NBAS: variants seen among roughly 807,000 people sequenced by gnomAD.
NBAS encodes the protein NBAS subunit of NRZ tethering complex.
In NBAS, 219 loss-of-function variants were observed where a neutral mutation model predicts 302.5. That is an observed-to-expected ratio of 0.72 (90% CI 0.65 to 0.81). The LOEUF (loss-of-function observed/expected upper bound fraction) is 0.81. Ranked by LOEUF, NBAS falls within the 30% of genes least tolerant of loss-of-function variation. The pLI, the probability that NBAS is intolerant of heterozygous loss-of-function variation, is 0.00. For missense variants in NBAS, 2,932 were observed against 2,841.6 expected, an observed-to-expected ratio of 1.03 and a Z score of -0.72; for synonymous variants, 1,118 against 1,021.6, an observed-to-expected ratio of 1.09 and a Z score of -1.80.
the NBAS span, among the ~76,000 whole-genome samples, chr2:14,847,300 A>G: frequency 6.7e-6 from 1 of 148,966 alleles, no homozygotes; most frequent in Admixed American, 6.8e-5. Context: ...GGAGAATGGC[A>G]TGAACCCAGG....
intron 50 of NBAS, among the ~76,000 whole-genome samples, chr2:15,183,830 T>C (rs1008852975): frequency 2.6e-5 from 4 of 152,210 alleles, no homozygotes; most frequent in African/African-American, 9.6e-5. Flanking sequence ...CTAACCGATG[T>C]GTGCTTTAGG....
chr2:15,426,690 T>C (rs561373666), intron 22 of NBAS, among the ~76,000 whole-genome samples: 1 of 152,360 alleles, frequency 6.6e-6, no homozygotes, highest in East Asian at 1.9e-4. Flanking sequence ...TTAATGATAA[T>C]TTTTAAAGTT....
intron 44 of NBAS, among the ~76,000 whole-genome samples, chr2:15,259,071 T>A (rs1047135213): frequency 1.3e-5 from 2 of 152,146 alleles, no homozygotes; most frequent in African/African-American, 4.8e-5. Flanking sequence ...TGGGGGTGGG[T>A]TCCCCCGATA....
In NBAS at chr2:15,504,213, C is replaced by T. The variant is rs757043102; in HGVS notation, c.886G>A (p.Val296Ile). ...CTTAATAATCCCAGTGTCTTCGGTA[C>T]CTGCAAAATAAATGCATCATATGAA... is the stretch of plus-strand genomic sequence containing the variant. Reference protein sequence around the residue: ...VTNGGDGVTAVPKTLGLLRML... With the variant: ...VTNGGDGVTAIPKTLGLLRML... Residue 296 changes from valine (V) to isoleucine (I), a missense_variant and splice_region_variant, in exon 11 of 52, where the codon GTA (valine) becomes ATA (isoleucine). Val to Ile is a conservative substitution (Grantham distance 29). Transcript: ENST00000281513. 3.1e-6 allele frequency: 5 copies of T among 1,608,958 alleles called. No individual in the cohort carries two copies. In the African/African-American group the frequency reaches 6.7e-5, roughly 22 times the overall value.
At chr2:15,081,630 T>C in the NBAS span, among the ~76,000 whole-genome samples, 18 of 152,170 alleles carry the variant, frequency 1.2e-4, no homozygotes, top group African/African-American at 4.3e-4. Flanking sequence ...CAGACTTTTT[T>C]CACTAGAAAG....
At chr2:15,287,594 T>C (rs1262295212) in intron 41 of NBAS, among the ~76,000 whole-genome samples, 1 of 152,046 alleles carries the variant, frequency 6.6e-6, no homozygotes, top group Non-Finnish European at 1.5e-5. Context: ...CAGCCCTGCG[T>C]GGGCATCTCC....
At chr2:14,920,965 C>T in the NBAS span, among the ~76,000 whole-genome samples, 1 of 151,570 alleles carries the variant, frequency 6.6e-6, no homozygotes, top group South Asian at 2.1e-4. Flanking sequence ...CCCTCAGGAA[C>T]TTTTCCTTTG....
chr2:15,561,334 T>G lies in NBAS; in HGVS notation c.-30A>C, dbSNP rs1029195232. On this transcript the variant is annotated 5_prime_UTR_variant, in exon 1 of 52. Transcript: ENST00000281513. ...GCCGAGGACTCAGGCAGCGGAGGAG[T>G]GTCTCTACGGAATCCCTCACAGGAC... 3.8e-6 allele frequency: 6 copies of G among 1,592,792 alleles called. No individual in the cohort carries two copies. In the East Asian group the frequency reaches 6.7e-5, roughly 18 times the overall value.
At chr2:15,184,131 T>C (rs536787719) in intron 50 of NBAS, among the ~76,000 whole-genome samples, 2 of 152,278 alleles carry the variant, frequency 1.3e-5, no homozygotes, top group African/African-American at 4.8e-5. Context: ...GTAAATGGAA[T>C]GCTGACGAGA....
At chr2:15,245,660 C>CGGATGGAT (rs1417876870) in intron 44 of NBAS, among the ~76,000 whole-genome samples, 1 of 150,994 alleles carries the variant, frequency 6.6e-6, no homozygotes, top group Admixed American at 6.6e-5. Context: ...GACGGACGGA[C>CGGATGGAT]GGATGGATGG....
the NBAS span, among the ~76,000 whole-genome samples, chr2:14,832,394 A>G: frequency 6.6e-6 from 1 of 152,216 alleles, no homozygotes; most frequent in African/African-American, 2.4e-5. Context: ...AAGAAGTAGA[A>G]GGTGAACTTA....
chr2:15,175,736 A>C (rs563363133), intron 51 of NBAS, among the ~76,000 whole-genome samples: 1 of 152,346 alleles, frequency 6.6e-6, no homozygotes, highest in East Asian at 1.9e-4. Flanking sequence ...CACGCACCAG[A>C]GGTCTGCAAT....
At chr2:15,437,036 T>C (rs1678052451) in intron 21 of NBAS, among the ~76,000 whole-genome samples, 2 of 152,192 alleles carry the variant, frequency 1.3e-5, no homozygotes, top group African/African-American at 4.8e-5. Context: ...ATTCGGAACA[T>C]GTACAGCAGA....
chr2:15,428,980 G>C (rs1677621315), intron 21 of NBAS, among the ~76,000 whole-genome samples: 1 of 151,466 alleles, frequency 6.6e-6, no homozygotes, highest in Admixed American at 6.6e-5. Context: ...AGAGCTCACA[G>C]TGAGCTCAGA....
chr2:15,190,422 A>T lies in NBAS; in HGVS notation c.6433-19T>A, dbSNP rs757427026. 2.5e-6 allele frequency: 4 copies of T among 1,613,612 alleles called. No homozygotes were observed. Among genetic ancestry groups the T allele is most frequent in the Non-Finnish European group, 3.4e-6 (4 of 1,179,776 alleles). On this transcript the variant is annotated intron_variant, in intron 48 of 51. Transcript: ENST00000281513. ...TGTCTACCTGGAAGAAGAAATACAC[A>T]CTTAAAGCTGGTGGCAAAGGCTACT... is the stretch of plus-strand genomic sequence containing the variant.
chr2:15,303,612 G>A (rs1338262218), intron 40 of NBAS, among the ~76,000 whole-genome samples: 3 of 152,058 alleles, frequency 2.0e-5, no homozygotes, highest in African/African-American at 7.2e-5. Flanking sequence ...AAAGAGTGGT[G>A]GCCAGATACA....
chr2:14,999,539 G>A, the NBAS span, among the ~76,000 whole-genome samples: 1 of 152,014 alleles, frequency 6.6e-6, no homozygotes, highest in Admixed American at 6.5e-5. Context: ...TTGTTTAAAA[G>A]CATGTAGCGT....
At chr2:15,069,991 C>T in the NBAS span, among the ~76,000 whole-genome samples, 1 of 92,706 alleles carries the variant, frequency 1.1e-5, no homozygotes, top group Non-Finnish European at 2.5e-5. Flanking sequence ...TACCTTTGGT[C>T]AGAACCCCCC....
intron 48 of NBAS, among the ~76,000 whole-genome samples, chr2:15,205,813 T>C (rs910141879): frequency 3.3e-5 from 5 of 152,180 alleles, no homozygotes. Flanking sequence ...TCTGAAGATC[T>C]TGCTTCTCCT....
Sources: gnomAD v4.1 joint callset for allele counts (sites outside exome capture counted in the v4.1 genomes callset) on GRCh38, gnomAD v4.1.1 for gene constraint, MANE v1.5 for transcripts, NCBI Gene and HGNC (gene_info 2026-07-23, HGNC 2026-07-21) for gene names.